The following GRIP1 variants were observed in gnomAD, a reference collection of about 807,000 sequenced individuals.
GRIP1 encodes the protein glutamate receptor-interacting protein 1.
GRIP1 carries 45 observed loss-of-function variants against 129.9 expected under a neutral mutation model. That is an observed-to-expected ratio of 0.35 (90% CI 0.27 to 0.44). The LOEUF (loss-of-function observed/expected upper bound fraction) is 0.44. Among genes scored for constraint, GRIP1 ranks in the 20% least tolerant of loss-of-function variants. The pLI, the probability that GRIP1 is intolerant of heterozygous loss-of-function variation, is 1.00. For missense variants in GRIP1, 1,196 were observed against 1,396.8 expected, an observed-to-expected ratio of 0.86 and a Z score of 2.29; for synonymous variants, 530 against 520.8, an observed-to-expected ratio of 1.02 and a Z score of -0.24.
intron 1 of GRIP1, among the ~76,000 whole-genome samples, chr12:66,613,413 TTC>T (rs1470973448): frequency 6.6e-6 from 1 of 152,158 alleles, no homozygotes; most frequent in Non-Finnish European, 1.5e-5. Flanking sequence ...GAGATGTACT[TTC>T]TGTCTAGGCA....
Position 66,455,473 on chromosome 12 carries a change from G to A in GRIP1, c.1290C>T (p.Tyr430=), listed in dbSNP as rs878916543. 6.2e-7 allele frequency: 1 copy of A among 1,613,874 alleles called. No individual in the cohort carries two copies. The highest frequency in any genetic ancestry group is 8.5e-7 in the Non-Finnish European group (1 of 1,179,738). ...TCATGGTTCCACGTGGGCTGGTGGA[G>A]TAGAGGCTTCGAGGTAGAGTCCCCA... The part of the protein sequence containing the change: ...LNMGTLPRSL[Y]STSPRGTMMR... Residue 430 remains tyrosine, a synonymous_variant, in exon 11 of 25, where the codon TAC becomes TAT. Coordinates refer to ENST00000359742, the MANE Select transcript of GRIP1 (RefSeq NM_001366722.1).
At chr12:66,773,887 G>A (rs1030470298) in intron 1 of GRIP1, among the ~76,000 whole-genome samples, 2 of 152,064 alleles carry the variant, frequency 1.3e-5, no homozygotes, top group African/African-American at 2.4e-5. Flanking sequence ...GCAGCTCTTA[G>A]TGCTTTAGTT....
intron 5 of GRIP1, among the ~76,000 whole-genome samples, chr12:66,524,829 A>G (rs1485626163): frequency 6.6e-6 from 1 of 152,222 alleles, no homozygotes; most frequent in Non-Finnish European, 1.5e-5. Flanking sequence ...TAGATGCAAT[A>G]AAAAATGATA....
chr12:66,482,197 T>TC (rs1348220653), intron 7 of GRIP1, among the ~76,000 whole-genome samples: 1 of 152,124 alleles, frequency 6.6e-6, no homozygotes, highest in Non-Finnish European at 1.5e-5. Context: ...TGCCTGATGC[T>TC]CCCTGTCCAT....
chr12:66,478,875 G>C (rs2059708593), intron 7 of GRIP1, among the ~76,000 whole-genome samples: 1 of 152,128 alleles, frequency 6.6e-6, no homozygotes, highest in Non-Finnish European at 1.5e-5. Context: ...CCTGGTGCCT[G>C]TTATGGGGTG....
At chr12:66,457,945 C>G (rs747287066) in intron 9 of GRIP1, among the ~76,000 whole-genome samples, 1 of 152,206 alleles carries the variant, frequency 6.6e-6, no homozygotes, top group African/African-American at 2.4e-5. Context: ...AAATACGGTG[C>G]TTAGCATGGT....
At position 66,515,678 on chromosome 12, in the gene GRIP1, A is replaced by G; in HGVS notation, c.665T>C (p.Ile222Thr). ...TGCTTCTTGTCCACATTGTTTAAGAATACTCATGGCTTCAGCATGCGTAGT... is the reference window on the plus strand; with the variant it reads ...TGCTTCTTGTCCACATTGTTTAAGAGTACTCATGGCTTCAGCATGCGTAGT... ...LGTTHAEAMS[I>T]LKQCGQEAAL... Residue 222 changes from isoleucine (I) to threonine (T), a missense_variant, in exon 7 of 25, where the codon ATT becomes ACT. By Grantham distance (89) the Ile-to-Thr change is moderately conservative (BLOSUM62 -1). Coordinates refer to ENST00000359742, the MANE Select transcript of GRIP1 (RefSeq NM_001366722.1). 6.2e-7 allele frequency: 1 copy of G among 1,613,318 alleles called. No homozygotes were observed. The highest frequency in any genetic ancestry group is 8.5e-7 in the Non-Finnish European group (1 of 1,179,286).
chr12:66,547,566 C>T (rs1043870962), intron 2 of GRIP1, among the ~76,000 whole-genome samples: 1 of 152,166 alleles, frequency 6.6e-6, no homozygotes, highest in African/African-American at 2.4e-5. Context: ...TGTGGTTTGT[C>T]TATACCACGG....
At chr12:66,382,124 G>A (rs1462565748) in intron 19 of GRIP1, among the ~76,000 whole-genome samples, 1 of 152,178 alleles carries the variant, frequency 6.6e-6, no homozygotes, top group Non-Finnish European at 1.5e-5. Flanking sequence ...CAGCTACTTG[G>A]GGGGCTGAGG....
intron 3 of GRIP1, among the ~76,000 whole-genome samples, chr12:66,539,725 A>G (rs1214929670): frequency 6.6e-6 from 1 of 152,026 alleles, no homozygotes; most frequent in East Asian, 1.9e-4. Context: ...GTCCAGGACT[A>G]AGGAAAGGGT....
At chr12:66,975,392 A>G (rs2042136686) in intron 1 of GRIP1, among the ~76,000 whole-genome samples, 1 of 152,242 alleles carries the variant, frequency 6.6e-6, no homozygotes, top group African/African-American at 2.4e-5. Flanking sequence ...TCAGAAACAT[A>G]TTCAATAATG....
chr12:66,642,347 G>C (rs1028679847), intron 1 of GRIP1, among the ~76,000 whole-genome samples: 1 of 152,156 alleles, frequency 6.6e-6, no homozygotes, highest in African/African-American at 2.4e-5. Context: ...TGTGCCTGGT[G>C]CAGTCCATGG....
chr12:67,005,472 G>A (rs2042612949), intron 1 of GRIP1, among the ~76,000 whole-genome samples: 1 of 152,120 alleles, frequency 6.6e-6, no homozygotes, highest in Non-Finnish European at 1.5e-5. Context: ...ACTTAACTTG[G>A]GTGATCTCTT....
rs990304587 is a variant in GRIP1, at chr12:66,894,736, T to C, written c.58+174314A>G. Reference sequence around the variant, plus strand: ...ATACACAGACTTAGGAATTAAATTGTGCTGTCAATCAGACCCTGCAAGGGA... The same window carrying C: ...ATACACAGACTTAGGAATTAAATTGCGCTGTCAATCAGACCCTGCAAGGGA... On this transcript the variant is annotated intron_variant, in intron 1 of 1. Transcript: ENST00000643019. Among the ~76,000 whole-genome samples the C allele has an allele frequency of 1.1e-4, 17 of 152,334 alleles. No homozygotes were observed. In the East Asian group the frequency reaches 2.9e-3, roughly 26 times the overall value.
At chr12:66,963,510 G>A (rs1421526740) in intron 1 of GRIP1, among the ~76,000 whole-genome samples, 1 of 151,908 alleles carries the variant, frequency 6.6e-6, no homozygotes, top group African/African-American at 2.4e-5. Context: ...AGGAGGTTAA[G>A]TTACCAAGAC....
At chr12:67,001,337 AG>A (rs1555163663) in intron 1 of GRIP1, among the ~76,000 whole-genome samples, 1 of 152,146 alleles carries the variant, frequency 6.6e-6, no homozygotes, top group Non-Finnish European at 1.5e-5. Context: ...TAAAAGAAAG[AG>A]GGGAAAAAAG....
intron 13 of GRIP1, among the ~76,000 whole-genome samples, chr12:66,441,317 T>G (rs1380923872): frequency 6.6e-6 from 1 of 152,232 alleles, no homozygotes; most frequent in African/African-American, 2.4e-5. Flanking sequence ...TCATCGCCTT[T>G]GCTCACACTT....
At chr12:66,501,992 C>G (rs2060405804) in intron 7 of GRIP1, among the ~76,000 whole-genome samples, 1 of 152,100 alleles carries the variant, frequency 6.6e-6, no homozygotes, top group South Asian at 2.1e-4. Flanking sequence ...ATCAACTTTC[C>G]TTCTTAGATA....
At chr12:66,678,699 G>C (rs1277964358) in intron 1 of GRIP1, 151 bp downstream of exon 1, 1 of 739,062 alleles carries the variant, frequency 1.4e-6, no homozygotes, top group Non-Finnish European at 2.4e-6. Context: ...GAGTCTACCT[G>C]TACATATGTA....
Sources: allele counts gnomAD v4.1 joint callset (sites outside exome capture counted in the v4.1 genomes callset), GRCh38; gene constraint gnomAD v4.1.1; transcripts MANE v1.5; gene names NCBI Gene and HGNC (gene_info 2026-07-23, HGNC 2026-07-21).